Variants in B3GALT1 observed in about 807,000 individuals in gnomAD.
B3GALT1 encodes the protein beta-1,3-galactosyltransferase 1, also known as UDP-Gal:betaGlcNAc beta 1,3-galactosyltransferase, polypeptide 1.
B3GALT1 carries 10 observed loss-of-function variants against 23.2 expected under a neutral mutation model. The ratio of observed to expected loss-of-function variants is 0.43; its 90% CI spans 0.27 to 0.73. B3GALT1 has a LOEUF of 0.73. B3GALT1 is among the 30% of genes least tolerant of loss of function. The pLI is 0.21. For synonymous variants in B3GALT1, 156 were observed against 141.5 expected (o/e 1.10, Z -0.73); for missense variants, 299 against 405.4 (o/e 0.74, Z 2.25).
intron 1 of B3GALT1, among the ~76,000 whole-genome samples, chr2:167,371,435 TG>T (rs1697682753): frequency 6.6e-6 from 1 of 152,186 alleles, no homozygotes; most frequent in Non-Finnish European, 1.5e-5. Flanking sequence ...TAGATAATAC[TG>T]AATTTCCACT....
chr2:167,466,075 C>G (rs1435797694), intron 1 of B3GALT1, among the ~76,000 whole-genome samples: 1 of 152,164 alleles, frequency 6.6e-6, no homozygotes, highest in African/African-American at 2.4e-5. Context: ...AGAAGGCTCA[C>G]TCTCCTATAA....
intron 3 of B3GALT1, among the ~76,000 whole-genome samples, chr2:167,743,770 C>A (rs956619923): frequency 6.6e-6 from 1 of 152,062 alleles, no homozygotes; most frequent in African/African-American, 2.4e-5. Context: ...TACAAAGAAA[C>A]AACTTTGGCT....
At chr2:167,735,583 A>G (rs1687479877) in intron 3 of B3GALT1, among the ~76,000 whole-genome samples, 1 of 152,210 alleles carries the variant, frequency 6.6e-6, no homozygotes, top group Admixed American at 6.5e-5. Flanking sequence ...AGGGAAACAA[A>G]TATATCTCTT....
At chr2:167,808,440 C>CCGGTTGTTCCTTTCCATGT (rs1688808721) in intron 3 of B3GALT1, among the ~76,000 whole-genome samples, 2 of 146,458 alleles carry the variant, frequency 1.4e-5, no homozygotes, top group Non-Finnish European at 3.0e-5. Flanking sequence ...GTGGCTGGTA[C>CCGGTTGTTCCTTTCCATGT]TTAGTTCTTC....
At chr2:167,724,933 A>G (rs1307577623) in intron 3 of B3GALT1, among the ~76,000 whole-genome samples, 3 of 152,164 alleles carry the variant, frequency 2.0e-5, no homozygotes, top group Non-Finnish European at 4.4e-5. Context: ...AAAAGACAAT[A>G]CCTTTTTCCA....
chr2:167,538,098 C>A (rs1476074714), intron 2 of B3GALT1, among the ~76,000 whole-genome samples: 1 of 152,120 alleles, frequency 6.6e-6, no homozygotes, highest in Non-Finnish European at 1.5e-5. Context: ...GCTGGGATTG[C>A]AGGCATGAGC....
chr2:167,303,682 C>CAGAGAGAGAG (rs1553510007), intron 1 of B3GALT1, among the ~76,000 whole-genome samples: 3 of 148,724 alleles, frequency 2.0e-5, no homozygotes, highest in African/African-American at 7.5e-5. Context: ...CACACACACA[C>CAGAGAGAGAG]AGAGAGAGAC....
chr2:167,845,461 G>C (rs887137434), intron 4 of B3GALT1, among the ~76,000 whole-genome samples: 16 of 152,184 alleles, frequency 1.1e-4, no homozygotes, highest in Non-Finnish European at 1.5e-5. Flanking sequence ...TAGTCAGGTA[G>C]ACTTACTTAC....
At chr2:167,714,849 A>C (rs748681447) in intron 3 of B3GALT1, 1 of 1,609,096 alleles carries the variant, frequency 6.2e-7, no homozygotes, top group Non-Finnish European at 8.5e-7. Flanking sequence ...TCTATCTGGT[A>C]ATTTTCTTCT....
At chr2:167,656,887 G>A (rs1324856133) in intron 3 of B3GALT1, among the ~76,000 whole-genome samples, 1 of 152,056 alleles carries the variant, frequency 6.6e-6, no homozygotes, top group East Asian at 1.9e-4. Context: ...AGAAATAATG[G>A]TATTCAACAA....
At chr2:167,326,640 C>T (rs555415219) in intron 1 of B3GALT1, among the ~76,000 whole-genome samples, 9 of 151,972 alleles carry the variant, frequency 5.9e-5, no homozygotes, top group Non-Finnish European at 1.3e-4. Flanking sequence ...CAGTTTCATT[C>T]TTCTGTATAT....
intron 1 of B3GALT1, among the ~76,000 whole-genome samples, chr2:167,446,209 T>C (rs1165694618): frequency 6.6e-6 from 1 of 152,250 alleles, no homozygotes; most frequent in Non-Finnish European, 1.5e-5. Flanking sequence ...TCTTCTGGCT[T>C]GTAGAGTTTC....
intron 1 of B3GALT1, among the ~76,000 whole-genome samples, chr2:167,412,158 A>G (rs1698402787): frequency 6.6e-6 from 1 of 152,206 alleles, no homozygotes; most frequent in Admixed American, 6.5e-5. Context: ...CATTAACCAT[A>G]ACAACTAAAT....
At chr2:167,611,451 T>C (rs1685065248) in intron 2 of B3GALT1, among the ~76,000 whole-genome samples, 1 of 151,912 alleles carries the variant, frequency 6.6e-6, no homozygotes, top group African/African-American at 2.4e-5. Context: ...AAATCTAGAC[T>C]GTATGTTGGA....
At chr2:167,625,774 A>G (rs898526851) in intron 2 of B3GALT1, among the ~76,000 whole-genome samples, 18 of 150,864 alleles carry the variant, frequency 1.2e-4, no homozygotes, top group Non-Finnish European at 2.5e-4. Flanking sequence ...CCCCCCTTTA[A>G]TTTATGTAAT....
Position 167,870,038 on chromosome 2 carries a change from A to T in B3GALT1, c.*18A>T, listed in dbSNP as rs762264737. The stretch of plus-strand genomic sequence containing the variant: ...GATGTTAGGATTTTTACCAATGTAA[A>T]TATGTTTCTTTTCTTTTTTTAAGAA... On this transcript the variant is annotated 3_prime_UTR_variant, in exon 5 of 5. Transcript: ENST00000392690. 2 of 1,560,160 alleles carry T rather than the reference A, an allele frequency of 1.3e-6. No homozygotes were observed. The highest frequency in any genetic ancestry group is 4.5e-5 in the East Asian group (2 of 44,216).
chr2:167,869,082 T>G lies in B3GALT1; in HGVS notation c.43T>G (p.Cys15Gly). 2 of 1,613,932 alleles carry G rather than the reference T, an allele frequency of 1.2e-6. No individual in the cohort carries two copies. The highest frequency in any genetic ancestry group is 2.7e-5 in the African/African-American group (2 of 75,046). ...CTGTTTGTATGTTTTGACAGTTGTG[T>G]GCTGGGCCAGCGCTCTCTGGTACTT... ...VSCLYVLTVV[C>G]WASALWYLSI... The change falls in exon 5 of 5, where the codon TGC becomes GGC. Residue 15 changes from cysteine to glycine, a missense_variant. Around this residue, in one of 3 missense-constraint regions of B3GALT1, gnomAD observed 162 missense variants for 184.1 expected, o/e 0.88. Coordinates refer to ENST00000392690, the MANE Select transcript of B3GALT1 (RefSeq NM_020981.4). This position sits in a 1 kb window ranked among gnomAD's most constrained non-coding sequence, Gnocchi z 6.4.
intron 4 of B3GALT1, among the ~76,000 whole-genome samples, chr2:167,830,122 T>C (rs952581715): frequency 6.6e-6 from 1 of 152,226 alleles, no homozygotes; most frequent in South Asian, 2.1e-4. Context: ...TCTGTCGTTC[T>C]CGCCAATGCC....
At chr2:167,635,949 A>C (rs1304413748) in intron 2 of B3GALT1, among the ~76,000 whole-genome samples, 1 of 152,112 alleles carries the variant, frequency 6.6e-6, no homozygotes, top group Non-Finnish European at 1.5e-5. Context: ...ACTATACTAC[A>C]AGGCTACAGC....
Sources: allele counts gnomAD v4.1 joint callset (sites outside exome capture counted in the v4.1 genomes callset), GRCh38; gene constraint gnomAD v4.1.1; regional missense constraint gnomAD v4.1.1; non-coding constraint Gnocchi (gnomAD v3.1); transcripts MANE v1.5; gene names NCBI Gene and HGNC (gene_info 2026-07-23, HGNC 2026-07-21).